UVSSA: variants seen among roughly 807,000 people sequenced by gnomAD.
UVSSA encodes the protein UV stimulated scaffold protein A.
Under a neutral mutation model 73.9 loss-of-function variants are expected in UVSSA, and 72 were observed. The ratio of observed to expected loss-of-function variants is 0.97; its 90% CI spans 0.81 to 1.19. UVSSA has a LOEUF of 1.19. UVSSA is among the 50% of genes most tolerant of loss of function. The pLI is 0.00. For missense variants in UVSSA, 1,150 were observed against 965.0 expected (o/e 1.19, Z -2.54); for synonymous variants, 454 against 391.3 (o/e 1.16, Z -1.89).
At chr4:1,375,835 G>C (rs1172919944) in intron 9 of UVSSA, among the ~76,000 whole-genome samples, 199 bp from the exon 10 acceptor site, 1 of 152,268 alleles carries the variant, frequency 6.6e-6, no homozygotes, top group Non-Finnish European at 1.5e-5. Context: ...GCAGACCAGA[G>C]GCCAGCTGTT....
chr4:1,394,373 A>C, exon 14 of UVSSA: 1 of 1,380,466 alleles, frequency 7.2e-7, no homozygotes, highest in Non-Finnish European at 9.8e-7. Flanking sequence ...AATGTTTTCC[A>C]TGTTTTCTTC....
chr4:1,393,278 C>G (rs1390092734), exon 14 of UVSSA: 2 of 152,230 alleles, frequency 1.3e-5, no homozygotes, highest in East Asian at 1.9e-4. Context: ...ATTTGGCTCT[C>G]TCCTATAATT....
At chr4:1,374,085 C>T (rs946429275) in intron 8 of UVSSA, among the ~76,000 whole-genome samples, 7 of 152,112 alleles carry the variant, frequency 4.6e-5, no homozygotes, top group East Asian at 1.9e-4. Flanking sequence ...CCGTGGATTC[C>T]GCCGGGGCCA....
At position 1,353,125 on chromosome 4, in the gene UVSSA, T is replaced by C; in HGVS notation, c.646T>C (p.Ser216Pro). 6.2e-7 allele frequency: 1 copy of C among 1,613,050 alleles called. No homozygotes were observed. The highest frequency in any genetic ancestry group is 1.7e-4 in the Middle Eastern group (1 of 6,060). ...FDFDPNPETESLGMASGMSDA... is the reference protein window; with the variant it reads ...FDFDPNPETEPLGMASGMSDA... ...CTTTGACCCGAACCCGGAGACGGAATCCCTTGGCATGGCTTCTGGCATGTC... is the reference window on the plus strand; with the variant it reads ...CTTTGACCCGAACCCGGAGACGGAACCCCTTGGCATGGCTTCTGGCATGTC... Residue 216 changes from serine to proline, a missense_variant, in exon 5 of 14, where the codon TCC (serine) becomes CCC (proline). Transcript: ENST00000389851.
At chr4:1,394,343 C>G in exon 14 of UVSSA, 1 of 1,196,444 alleles carries the variant, frequency 8.4e-7, no homozygotes, top group South Asian at 1.6e-5. Context: ...ATGCTCTTCC[C>G]CCTTAAAGAT....
intron 10 of UVSSA, among the ~76,000 whole-genome samples, chr4:1,376,434 G>C (rs986920865): frequency 1.3e-5 from 2 of 152,200 alleles, no homozygotes; most frequent in Non-Finnish European, 2.9e-5. Context: ...AATCTTGTGG[G>C]AACAGCTGGA....
At chr4:1,365,818 ACCGCAGACGCAC>A (rs1717232963) in intron 7 of UVSSA, among the ~76,000 whole-genome samples, 1 of 152,070 alleles carries the variant, frequency 6.6e-6, no homozygotes, top group East Asian at 1.9e-4. Flanking sequence ...CCCCGGGGGC[ACCGCAGACGCAC>A]CTGCTCCACC....
intron 7 of UVSSA, among the ~76,000 whole-genome samples, chr4:1,355,850 A>G (rs1168981724): frequency 6.6e-6 from 1 of 152,052 alleles, no homozygotes; most frequent in African/African-American, 2.4e-5. Flanking sequence ...GGGAGCAGAG[A>G]CCGTCGCATT....
chr4:1,371,930 C>T (rs1433031876), intron 8 of UVSSA, among the ~76,000 whole-genome samples: 2 of 152,204 alleles, frequency 1.3e-5, no homozygotes, highest in African/African-American at 4.8e-5. Context: ...CAGCCACTTC[C>T]CAAGAGGGTT....
upstream of UVSSA, among the ~76,000 whole-genome samples, chr4:1,346,116 A>G (rs1713651498): frequency 6.6e-6 from 1 of 152,130 alleles, no homozygotes; most frequent in African/African-American, 2.4e-5. Flanking sequence ...TGCTGCAGAG[A>G]GGGGCGGCGC....
intron 13 of UVSSA, chr4:1,384,283 A>G: frequency 3.3e-6 from 1 of 304,156 alleles, no homozygotes; most frequent in Non-Finnish European, 6.2e-6. Context: ...GCCTGGCTGT[A>G]CCCCCAGGTC....
chr4:1,372,218 A>C (rs1343233311), intron 8 of UVSSA, among the ~76,000 whole-genome samples: 2 of 152,082 alleles, frequency 1.3e-5, no homozygotes, highest in African/African-American at 4.8e-5. Flanking sequence ...GGTCTTCTTT[A>C]GACAGCATGT....
At chr4:1,378,351 G>A (rs1009177817) in intron 10 of UVSSA, among the ~76,000 whole-genome samples, 6 of 152,174 alleles carry the variant, frequency 3.9e-5, no homozygotes, top group Admixed American at 1.3e-4. Flanking sequence ...CCAGGAGTTC[G>A]AGACCAGCCT....
At chr4:1,380,518 T>A (rs1284429743) in intron 11 of UVSSA, 1 of 928,132 alleles carries the variant, frequency 1.1e-6, no homozygotes, top group Non-Finnish European at 1.6e-6. Context: ...GCAGCCCGGG[T>A]CTGTGCTGGG....
At position 1,354,776 on chromosome 4, in the gene UVSSA, A is replaced by T. The variant is rs769011654; in HGVS notation, c.976A>T (p.Ile326Phe). Residue 326 changes from isoleucine to phenylalanine, a missense_variant, in exon 6 of 14, where the codon ATC (isoleucine) becomes TTC (phenylalanine). Physicochemically the swap from Ile to Phe is conservative, Grantham distance 21. Coordinates refer to ENST00000389851, the MANE Select transcript of UVSSA (RefSeq NM_020894.4). Reference sequence around the variant, plus strand: ...GGAGAACGAGGACAACCTTGCTCTCATCCACGCCGCCCGCGACACACTCAA... The same window carrying T: ...GGAGAACGAGGACAACCTTGCTCTCTTCCACGCCGCCCGCGACACACTCAA... ...VQENEDNLAL[I>F]HAARDTLKLI... 2 of 1,613,626 alleles carry T rather than the reference A, an allele frequency of 1.2e-6. No homozygotes were observed. The highest frequency in any genetic ancestry group is 3.3e-4 in the Middle Eastern group (2 of 6,062).
intron 8 of UVSSA, among the ~76,000 whole-genome samples, chr4:1,372,357 C>A (rs898552920): frequency 6.6e-6 from 1 of 152,186 alleles, no homozygotes; most frequent in African/African-American, 2.4e-5. Context: ...ACTTTCTCTC[C>A]GACTTCTGCT....
At chr4:1,380,607 G>T (rs1333600560) in intron 11 of UVSSA, 3 of 1,490,184 alleles carry the variant, frequency 2.0e-6, no homozygotes, top group Admixed American at 2.0e-5. Context: ...GTGCAGGGGG[G>T]TCGCTATGGC....
At chr4:1,377,574 C>T (rs760331535) in intron 10 of UVSSA, among the ~76,000 whole-genome samples, 7 of 97,858 alleles carry the variant, frequency 7.2e-5, no homozygotes, top group Non-Finnish European at 1.1e-4. Flanking sequence ...GAGGTGACGC[C>T]CAGCAAAGCT....
At chr4:1,362,296 C>A (rs143435154) in intron 7 of UVSSA, among the ~76,000 whole-genome samples, 1 of 152,150 alleles carries the variant, frequency 6.6e-6, no homozygotes, top group Admixed American at 6.6e-5. Flanking sequence ...CTCTCCATGT[C>A]GAGGGGTCTA....
Sources: allele counts gnomAD v4.1 joint callset (sites outside exome capture counted in the v4.1 genomes callset), GRCh38; gene constraint gnomAD v4.1.1; transcripts MANE v1.5; gene names NCBI Gene and HGNC (gene_info 2026-07-23, HGNC 2026-07-21).